SCAI: variants seen among roughly 807,000 people sequenced by gnomAD.
SCAI encodes suppressor of cancer cell invasion.
A neutral mutation model predicts 92.2 loss-of-function variants in SCAI; 24 were observed. The ratio of observed to expected loss-of-function variants is 0.26; its 90% CI spans 0.19 to 0.37. SCAI has a LOEUF of 0.37. Among genes scored for constraint, SCAI ranks in the 10% least tolerant of loss-of-function variants. The pLI, the probability that SCAI is intolerant of heterozygous loss-of-function variation, is 1.00. For synonymous variants in SCAI, 261 were observed against 258.6 expected (o/e 1.01, Z -0.09); for missense variants, 450 against 736.2 (o/e 0.61, Z 4.50).
At chr9:125,139,616 C>A (rs1214348796) in intron 2 of SCAI, among the ~76,000 whole-genome samples, 1 of 152,076 alleles carries the variant, frequency 6.6e-6, no homozygotes, top group African/African-American at 2.4e-5. Flanking sequence ...AAAGTATTAA[C>A]CGTGGCTGGG....
intron 2 of SCAI, among the ~76,000 whole-genome samples, chr9:125,109,723 G>A (rs1041381774): frequency 3.9e-5 from 6 of 152,034 alleles, no homozygotes; most frequent in South Asian, 2.1e-4. Flanking sequence ...GTCTCACTCT[G>A]TCTCCCAGGC....
chr9:124,968,271 T>C lies in SCAI; in HGVS notation c.1674+3099A>G, dbSNP rs562122814. 162 of 1,129,698 alleles carry C rather than the reference T, an allele frequency of 1.4e-4. No homozygotes were observed. In the African/African-American group the frequency reaches 2.3e-3, roughly 16 times the overall value. The allele number at this position is 1,129,698 out of a possible 1,614,324, so 70.0% of individuals were successfully genotyped here. A position where few individuals can be genotyped will look rare whatever the true frequency, so the allele number is the denominator to read the frequency against. On this transcript the variant is annotated intron_variant, in intron 17 of 17. Transcript: ENST00000336505. ...GGGGTCTTGGCCTGACAGCTTTTAA[T>C]ATCCTTAAAACCGGGCTGGGCATCA...
At chr9:125,014,949 T>C (rs1056163790) in intron 9 of SCAI, among the ~76,000 whole-genome samples, 2 of 152,202 alleles carry the variant, frequency 1.3e-5, no homozygotes, top group African/African-American at 4.8e-5. Flanking sequence ...CCCTATTTAA[T>C]AAATGGTGCT....
intron 9 of SCAI, 52 bp from the exon 10 acceptor site, chr9:125,003,622 C>A (rs1291435635): frequency 9.0e-7 from 1 of 1,108,090 alleles, no homozygotes; most frequent in Non-Finnish European, 1.4e-6. Context: ...AACACGCAGA[C>A]TTTAAAGACT....
intron 2 of SCAI, among the ~76,000 whole-genome samples, chr9:125,098,850 C>T (rs1035210717): frequency 2.0e-5 from 3 of 152,042 alleles, no homozygotes; most frequent in South Asian, 2.1e-4. Flanking sequence ...TTGTTTTAGC[C>T]GAAGTCAGAT....
rs1832961532 is a variant in SCAI, at chr9:125,026,227, A to C, written c.512+585T>G. Among the ~76,000 whole-genome samples the C allele has an allele frequency of 1.3e-5, 2 of 152,128 alleles. 1 individual carries two copies. The highest frequency in any genetic ancestry group is 1.3e-4 in the Admixed American group (2 of 15,270). ...CTCTACTAAAAAATACAAAAAAATT[A>C]GCCGGGGGTGGTGACACAAGCCTGT... On this transcript the variant is annotated intron_variant, in intron 6 of 17. Coordinates refer to ENST00000336505, the MANE Select transcript of SCAI (RefSeq NM_001144877.3).
chr9:124,985,954 T>C (rs907863193), intron 14 of SCAI, among the ~76,000 whole-genome samples: 6 of 151,830 alleles, frequency 4.0e-5, no homozygotes, highest in South Asian at 4.2e-4. Context: ...CTTATTAAGT[T>C]TGAAGAAATA....
chr9:125,050,817 G>A (rs1410800515), intron 3 of SCAI, among the ~76,000 whole-genome samples: 3 of 152,026 alleles, frequency 2.0e-5, no homozygotes, highest in African/African-American at 7.2e-5. Context: ...TGATTCTCCT[G>A]CCTTCGCCTC....
At chr9:125,049,024 C>T (rs1434987025) in intron 3 of SCAI, among the ~76,000 whole-genome samples, 1 of 152,124 alleles carries the variant, frequency 6.6e-6, no homozygotes, top group African/African-American at 2.4e-5. Flanking sequence ...GGATTACAGG[C>T]GTGAGCCACC....
chr9:124,955,355 A>G (rs1167914188), intron 17 of SCAI, among the ~76,000 whole-genome samples: 1 of 152,056 alleles, frequency 6.6e-6, no homozygotes, highest in Non-Finnish European at 1.5e-5. Flanking sequence ...TCTTGAGCCC[A>G]GGAGTTCCAG....
chr9:125,101,724 G>T (rs111392058), intron 2 of SCAI, among the ~76,000 whole-genome samples: 2 of 152,168 alleles, frequency 1.3e-5, no homozygotes, highest in Non-Finnish European at 2.9e-5. Context: ...TAGAAATACA[G>T]GGATGAATAC....
At chr9:125,043,961 T>C (rs2131114750) in intron 3 of SCAI, among the ~76,000 whole-genome samples, 1 of 152,230 alleles carries the variant, frequency 6.6e-6, no homozygotes. Context: ...TTTGGACCCA[T>C]GCTTCCCTGT....
intron 2 of SCAI, among the ~76,000 whole-genome samples, chr9:125,108,433 C>G (rs1354271777): frequency 6.6e-6 from 1 of 151,798 alleles, no homozygotes; most frequent in Non-Finnish European, 1.5e-5. Flanking sequence ...TGAGGAGCGT[C>G]TCTGCCTGGC....
At chr9:125,036,264 T>C (rs1338605686) in intron 3 of SCAI, among the ~76,000 whole-genome samples, 3 of 152,190 alleles carry the variant, frequency 2.0e-5, no homozygotes, top group Non-Finnish European at 4.4e-5. Context: ...GAAAGAGGCC[T>C]GGCACAAAGT....
chr9:125,111,609 A>G (rs1834930448), intron 2 of SCAI, among the ~76,000 whole-genome samples: 1 of 151,004 alleles, frequency 6.6e-6, no homozygotes, highest in African/African-American at 2.4e-5. Context: ...AGTGTATTTT[A>G]TATGTGGCCC....
chr9:124,966,911 C>T (rs1343900102), intron 17 of SCAI, among the ~76,000 whole-genome samples: 2 of 117,928 alleles, frequency 1.7e-5, no homozygotes, highest in Non-Finnish European at 1.7e-5. Context: ...CTTCTCCCAG[C>T]TTGACTTTTT....
At chr9:125,071,675 T>C (rs1833982006) in intron 2 of SCAI, among the ~76,000 whole-genome samples, 1 of 151,780 alleles carries the variant, frequency 6.6e-6, no homozygotes, top group Non-Finnish European at 1.5e-5. Context: ...CAAATTCCAG[T>C]AGTAATTCAA....
intron 17 of SCAI, among the ~76,000 whole-genome samples, chr9:124,964,876 T>C (rs1266565283): frequency 6.6e-6 from 1 of 152,242 alleles, no homozygotes; most frequent in Admixed American, 6.5e-5. Context: ...AGCAGCTTTA[T>C]AGATAAAGAC....
At chr9:125,136,909 C>A (rs375235548) in intron 2 of SCAI, among the ~76,000 whole-genome samples, 9 of 151,752 alleles carry the variant, frequency 5.9e-5, no homozygotes, top group Admixed American at 5.9e-4. Context: ...TACAGGCATG[C>A]GCCATTGTGC....
Sources: gnomAD v4.1 joint callset for allele counts (sites outside exome capture counted in the v4.1 genomes callset) on GRCh38, gnomAD v4.1.1 for gene constraint, MANE v1.5 for transcripts, NCBI Gene and HGNC (gene_info 2026-07-23, HGNC 2026-07-21) for gene names.